The following MAP3K13 variants were observed in gnomAD, a reference collection of about 807,000 sequenced individuals.
MAP3K13 encodes leucine zipper-bearing kinase.
MAP3K13 carries 52 observed loss-of-function variants against 104.0 expected under a neutral mutation model. That is an observed-to-expected ratio of 0.50 (90% CI 0.40 to 0.63). The LOEUF (loss-of-function observed/expected upper bound fraction) is 0.63. Among genes scored for constraint, MAP3K13 ranks in the 20% least tolerant of loss-of-function variants. The pLI is 0.00. For synonymous variants in MAP3K13, 394 were observed against 442.2 expected, an observed-to-expected ratio of 0.89 and a Z score of 1.37; for missense variants, 914 against 1,218.5, an observed-to-expected ratio of 0.75 and a Z score of 3.72.
At chr3:185,343,041 C>T (rs147920482) in intron 2 of MAP3K13, among the ~76,000 whole-genome samples, 3 of 152,250 alleles carry the variant, frequency 2.0e-5, no homozygotes, top group Non-Finnish European at 2.9e-5. Context: ...AGAGGCCACC[C>T]ACATTTCCTT....
At position 185,346,987 on chromosome 3, in the gene MAP3K13, G is replaced by GTTTTT. The variant is rs201877429; in HGVS notation, c.-86+61359_-86+61363dup. Among the ~76,000 whole-genome samples the GTTTTT allele has an allele frequency of 9.3e-3, 1,183 of 127,638 alleles. 52 individuals are homozygous for GTTTTT. The highest frequency in any genetic ancestry group is 0.029 in the African/African-American group (962 of 32,870). 83.7% of individuals were successfully genotyped at this position (127,638 alleles called of 152,430 possible). A position where few individuals can be genotyped will look rare whatever the true frequency, so the allele number is the denominator to read the frequency against. ...CTGAGGTGTTCATAGCACAAAGGAAGTTTTTTTTTTTTTTTTTTTAGACAG... is the reference window on the plus strand; with the variant it reads ...CTGAGGTGTTCATAGCACAAAGGAAGTTTTTTTTTTTTTTTTTTTTTTTTAGACAG... On this transcript the variant is annotated intron_variant, in intron 2 of 14. Coordinates refer to the MAP3K13 transcript ENST00000424227.
At chr3:185,394,592 G>A (rs1262587038) in intron 1 of MAP3K13, among the ~76,000 whole-genome samples, 2 of 152,170 alleles carry the variant, frequency 1.3e-5, no homozygotes, top group African/African-American at 2.4e-5. Context: ...GGTATACTAC[G>A]TAAGTATACC....
intron 2 of MAP3K13, among the ~76,000 whole-genome samples, chr3:185,356,754 T>C (rs1723370271): frequency 1.3e-5 from 2 of 152,200 alleles, no homozygotes; most frequent in African/African-American, 4.8e-5. Flanking sequence ...TGCCACGTGC[T>C]CACTCTTGGA....
At chr3:185,362,461 A>C, upstream of MAP3K13, among the ~76,000 whole-genome samples, 1 of 152,196 alleles carries the variant, frequency 6.6e-6, no homozygotes, top group Admixed American at 6.5e-5. Context: ...ACCAATGAGG[A>C]AACACTGTAC....
intron 2 of MAP3K13, among the ~76,000 whole-genome samples, chr3:185,310,391 C>T (rs184887620): frequency 2.0e-3 from 309 of 152,188 alleles, no homozygotes; most frequent in Non-Finnish European, 3.7e-3. Flanking sequence ...CAACCATTTT[C>T]AAGAGATAAA....
At chr3:185,392,847 G>A (rs143146286) in intron 1 of MAP3K13, among the ~76,000 whole-genome samples, 10 of 152,058 alleles carry the variant, frequency 6.6e-5, no homozygotes, top group East Asian at 1.9e-4. Flanking sequence ...TCAGGAGTTC[G>A]AGACCACCCT....
chr3:185,448,713 G>A (rs962505582), intron 5 of MAP3K13, among the ~76,000 whole-genome samples: 2 of 152,194 alleles, frequency 1.3e-5, no homozygotes, highest in Admixed American at 6.5e-5. Flanking sequence ...ATATGTAAGA[G>A]TGTTTTCTCA....
chr3:185,345,800 T>G (rs1718411436), intron 2 of MAP3K13, among the ~76,000 whole-genome samples: 1 of 152,172 alleles, frequency 6.6e-6, no homozygotes, highest in African/African-American at 2.4e-5. Context: ...GCGCAATAAA[T>G]GTAATGCACT....
chr3:185,326,948 A>C (rs1722061157), intron 2 of MAP3K13, among the ~76,000 whole-genome samples: 1 of 152,162 alleles, frequency 6.6e-6, no homozygotes, highest in Non-Finnish European at 1.5e-5. Context: ...ATTTTAAAGG[A>C]GCTTGAAATT....
intron 1 of MAP3K13, among the ~76,000 whole-genome samples, chr3:185,402,742 G>A (rs1053835569): frequency 2.6e-5 from 4 of 152,098 alleles, no homozygotes; most frequent in African/African-American, 7.2e-5. Context: ...AATTATGTGC[G>A]CATGTGTAAA....
intron 1 of MAP3K13, among the ~76,000 whole-genome samples, chr3:185,398,704 A>G (rs1712576627): frequency 1.3e-5 from 2 of 152,218 alleles, no homozygotes; most frequent in Non-Finnish European, 2.9e-5. Context: ...GCACACAGGA[A>G]AGATTTGCTG....
chr3:185,371,056 T>C (rs1314355059), intron 1 of MAP3K13, among the ~76,000 whole-genome samples: 1 of 152,180 alleles, frequency 6.6e-6, no homozygotes, highest in Non-Finnish European at 1.5e-5. Context: ...AAGATATTAT[T>C]CTGTATGATA....
intron 10 of MAP3K13, among the ~76,000 whole-genome samples, chr3:185,471,082 C>G (rs1717748357): frequency 6.6e-6 from 1 of 152,140 alleles, no homozygotes; most frequent in Non-Finnish European, 1.5e-5. Flanking sequence ...CCCATAGAAA[C>G]TCTTGAAAAA....
intron 1 of MAP3K13, among the ~76,000 whole-genome samples, chr3:185,385,263 G>C (rs1051290970): frequency 2.6e-5 from 4 of 152,126 alleles, no homozygotes; most frequent in African/African-American, 9.7e-5. Context: ...TGATTCTCCT[G>C]CCTCAGCCTC....
intron 1 of MAP3K13, chr3:185,283,131 G>A (rs1720365781): frequency 6.5e-6 from 1 of 152,804 alleles, no homozygotes; most frequent in African/African-American, 2.4e-5. Flanking sequence ...TTAGGTAATG[G>A]ACAGCATTAG....
chr3:185,480,629 C>T (rs1040502121), intron 13 of MAP3K13, 100 bp downstream of exon 13: 1 of 1,214,198 alleles, frequency 8.2e-7, no homozygotes, highest in Non-Finnish European at 1.1e-6. Flanking sequence ...TAATAAGATA[C>T]AACAGTGGCC....
chr3:185,293,278 T>C, intron 2 of MAP3K13, among the ~76,000 whole-genome samples: 1 of 150,374 alleles, frequency 6.7e-6, no homozygotes, highest in African/African-American at 2.5e-5. Context: ...CCACTGCGCC[T>C]GGCTAATTTT....
Position 185,418,365 on chromosome 3 carries a change from C to T in MAP3K13, c.-85-10132C>T. On this transcript the variant is annotated intron_variant, in intron 1 of 13. Coordinates refer to ENST00000265026, the MANE Select transcript of MAP3K13 (RefSeq NM_004721.5). The surrounding 1 kb of genome is among the most constrained non-coding windows in gnomAD (Gnocchi z 4.5). ...CTTCCTCAATACGATGACCTTTAGA[C>T]ATGACCAGTGCTGGTAGGGCTGAGG... 1 of 1,601,444 alleles carries T rather than the reference C, an allele frequency of 6.2e-7. No individual in the cohort carries two copies. The highest frequency in any genetic ancestry group is 1.7e-5 in the Admixed American group (1 of 60,006).
intron 1 of MAP3K13, among the ~76,000 whole-genome samples, chr3:185,411,246 A>G (rs915859263): frequency 3.3e-5 from 5 of 151,750 alleles, no homozygotes; most frequent in Admixed American, 6.6e-5. Context: ...TAGAACACAG[A>G]AAAAAAAATC....
Sources: allele counts gnomAD v4.1 joint callset (sites outside exome capture counted in the v4.1 genomes callset), GRCh38; gene constraint gnomAD v4.1.1; non-coding constraint Gnocchi (gnomAD v3.1); transcripts MANE v1.5; gene names NCBI Gene and HGNC (gene_info 2026-07-23, HGNC 2026-07-21).